COP1: variants seen among roughly 807,000 people sequenced by gnomAD.
The protein encoded by COP1 is E3 ubiquitin-protein ligase COP1.
In COP1, 24 loss-of-function variants were observed where a neutral mutation model predicts 101.3. That is an observed-to-expected ratio of 0.24 (90% confidence interval 0.17 to 0.33). COP1 has a LOEUF of 0.33. Among genes scored for constraint, COP1 ranks in the 10% least tolerant of loss-of-function variants. The probability of loss-of-function intolerance (pLI) is 1.00; values close to 1 mark genes in which losing one functional copy is unlikely to be tolerated. For synonymous variants in COP1, 347 were observed against 341.9 expected (o/e 1.01, Z -0.17); for missense variants, 663 against 906.2 (o/e 0.73, Z 3.45).
intron 18 of COP1, among the ~76,000 whole-genome samples, chr1:175,949,194 G>GAAAAAAAAAAAAAAAAAAAAAAAAAAA (rs1649567940): frequency 5.6e-5 from 2 of 35,804 alleles, no homozygotes; most frequent in African/African-American, 1.6e-4. Context: ...AAAAAAAAAT[G>GAAAAAAAAAAAAAAAAAAAAAAAAAAA]AACATGGGTA....
Position 176,100,750 on chromosome 1 carries a change from C to T in COP1, c.1027-14860G>A, listed in dbSNP as rs905457515. Among the ~76,000 whole-genome samples the T allele has an allele frequency of 2.6e-5, 4 of 152,240 alleles. No homozygotes were observed. In the East Asian group the frequency reaches 5.8e-4, roughly 22 times the overall value. On this transcript the variant is annotated intron_variant, in intron 9 of 19. Coordinates refer to ENST00000367669, the MANE Select transcript of COP1 (RefSeq NM_022457.7). The stretch of plus-strand genomic sequence containing the variant: ...AAATCTTAGCAGGCATAACTATATC[C>T]ACCAGTTATCTGGGGTGTCACAAGA...
intron 11 of COP1, among the ~76,000 whole-genome samples, chr1:176,079,908 A>C (rs1572105037): frequency 6.6e-6 from 1 of 152,058 alleles, no homozygotes; most frequent in African/African-American, 2.4e-5. Flanking sequence ...TTGTAGTCCC[A>C]GCTACTCGGG....
chr1:176,066,881 C>T (rs1045333431), intron 11 of COP1, among the ~76,000 whole-genome samples: 1 of 152,138 alleles, frequency 6.6e-6, no homozygotes, highest in Non-Finnish European at 1.5e-5. Context: ...TTGATCCCCT[C>T]CGCCCTTGGA....
At chr1:176,126,456 TTTTTC>T (rs1169147061) in intron 8 of COP1, among the ~76,000 whole-genome samples, 2 of 152,150 alleles carry the variant, frequency 1.3e-5, no homozygotes, top group Non-Finnish European at 2.9e-5. Context: ...CCTCACTTCT[TTTTTC>T]TTTTCTTTTT....
At chr1:176,103,748 T>C (rs1005311651) in intron 9 of COP1, among the ~76,000 whole-genome samples, 1 of 152,168 alleles carries the variant, frequency 6.6e-6, no homozygotes, top group Non-Finnish European at 1.5e-5. Flanking sequence ...ATTTCAAATT[T>C]TTAAAAACAA....
intron 15 of COP1, among the ~76,000 whole-genome samples, chr1:176,026,228 T>C (rs1018994228): frequency 2.0e-5 from 3 of 152,034 alleles, no homozygotes; most frequent in Non-Finnish European, 2.9e-5. Context: ...TACAAATTAA[T>C]TAAATACTGA....
intron 11 of COP1, among the ~76,000 whole-genome samples, chr1:176,073,398 TTAACA>T (rs994873017): frequency 3.3e-5 from 5 of 152,272 alleles, no homozygotes; most frequent in Admixed American, 3.3e-4. Context: ...GGTAGAATGT[TTAACA>T]ATTTTTACCA....
intron 6 of COP1, among the ~76,000 whole-genome samples, chr1:176,148,298 A>AT (rs1691889981): frequency 6.6e-6 from 1 of 152,148 alleles, no homozygotes; most frequent in Admixed American, 6.5e-5. Context: ...AACATAGCAC[A>AT]TAACAGACAA....
chr1:176,063,940 A>G (rs1435716321), intron 11 of COP1, among the ~76,000 whole-genome samples: 1 of 152,200 alleles, frequency 6.6e-6, no homozygotes, highest in Non-Finnish European at 1.5e-5. Context: ...CTCATCACAA[A>G]TAGATCAGAA....
At chr1:175,965,231 C>T (rs1651859632) in intron 18 of COP1, among the ~76,000 whole-genome samples, 1 of 152,172 alleles carries the variant, frequency 6.6e-6, no homozygotes, top group Non-Finnish European at 1.5e-5. Context: ...CAGGATCCTA[C>T]AGCCACAGAA....
At chr1:176,084,713 A>G (rs986082739) in intron 10 of COP1, among the ~76,000 whole-genome samples, 1 of 142,186 alleles carries the variant, frequency 7.0e-6, no homozygotes, top group Non-Finnish European at 1.6e-5. Flanking sequence ...TAAATCTAAT[A>G]TATTTTTTCC....
At chr1:176,096,268 CT>C (rs1056288239) in intron 9 of COP1, among the ~76,000 whole-genome samples, 2 of 151,402 alleles carry the variant, frequency 1.3e-5, no homozygotes, top group Admixed American at 1.3e-4. Context: ...CATGCCTCTT[CT>C]TTTTTTTTCA....
intron 3 of COP1, among the ~76,000 whole-genome samples, chr1:176,168,060 C>T (rs940737650): frequency 4.4e-4 from 67 of 151,082 alleles, no homozygotes; most frequent in African/African-American, 1.5e-3. Flanking sequence ...ATTCAATTTA[C>T]GATTTTTTTT....
At chr1:176,048,425 T>C (rs984595769) in intron 11 of COP1, among the ~76,000 whole-genome samples, 3 of 152,172 alleles carry the variant, frequency 2.0e-5, no homozygotes, top group Admixed American at 2.0e-4. Flanking sequence ...TATGATACTA[T>C]AGCAATGCAG....
intron 3 of COP1, 108 bp downstream of exon 3, chr1:176,175,800 TAG>T (rs1696852846): frequency 5.0e-6 from 3 of 601,906 alleles, no homozygotes; most frequent in African/African-American, 1.9e-5. Context: ...TGGTATACAG[TAG>T]AGAGAGACTT....
intron 15 of COP1, among the ~76,000 whole-genome samples, chr1:176,020,793 T>G (rs1666630476): frequency 6.6e-6 from 1 of 152,244 alleles, no homozygotes; most frequent in Non-Finnish European, 1.5e-5. Context: ...AAAGGCATCA[T>G]ATACAAGTAA....
chr1:175,977,315 A>G (rs1301871044), intron 18 of COP1, among the ~76,000 whole-genome samples: 2 of 152,204 alleles, frequency 1.3e-5, no homozygotes, highest in African/African-American at 4.8e-5. Flanking sequence ...CAATTCAAAT[A>G]AAGAATATAT....
rs77997584 is a variant in COP1 at position 176,119,781 on chromosome 1, T to C, written c.969-3100A>G. Among the ~76,000 whole-genome samples, 220 of 152,244 alleles carry C rather than the reference T, an allele frequency of 1.4e-3. 1 individual carries two copies. In the East Asian group the frequency reaches 0.02, roughly 14 times the overall value. ...CACTAGATGGCAGTAACAATATCAATAGTACCATTTACTGACGGTTTACTA... is the reference window on the plus strand; with the variant it reads ...CACTAGATGGCAGTAACAATATCAACAGTACCATTTACTGACGGTTTACTA... On this transcript the variant is annotated intron_variant, in intron 8 of 19. Coordinates refer to ENST00000367669, the MANE Select transcript of COP1 (RefSeq NM_022457.7).
chr1:176,147,491 C>G (rs550104646), intron 6 of COP1, among the ~76,000 whole-genome samples: 81 of 152,120 alleles, frequency 5.3e-4, no homozygotes, highest in Middle Eastern at 3.4e-3. Context: ...AATGACAGTA[C>G]AATCACTGTA....
Sources: gnomAD v4.1 joint callset for allele counts (sites outside exome capture counted in the v4.1 genomes callset) on GRCh38, gnomAD v4.1.1 for gene constraint, MANE v1.5 for transcripts, NCBI Gene and HGNC (gene_info 2026-07-23, HGNC 2026-07-21) for gene names.